The following SOX13 variants were observed in gnomAD, a reference collection of about 807,000 sequenced individuals.
SOX13 encodes the protein SRY-box transcription factor 13.
A neutral mutation model predicts 71.8 loss-of-function variants in SOX13; 28 were observed. That is an observed-to-expected ratio of 0.39 (90% confidence interval 0.29 to 0.53). SOX13 has a LOEUF of 0.53. SOX13 is among the 20% of genes least tolerant of loss of function. The pLI is 0.70. For missense variants in SOX13, 627 were observed against 810.3 expected (o/e 0.77, Z 2.75); for synonymous variants, 309 against 317.8 (o/e 0.97, Z 0.29).
At chr1:204,098,488 TTTGTTGTTG>T (rs573774494) in intron 1 of SOX13, among the ~76,000 whole-genome samples, 41 of 151,746 alleles carry the variant, frequency 2.7e-4, no homozygotes, top group Non-Finnish European at 2.4e-4. Flanking sequence ...AAAAAAAAAT[TTTGTTGTTG>T]TTGTTGTTGT....
chr1:204,089,438 A>G (rs1656096074), intron 1 of SOX13, among the ~76,000 whole-genome samples: 1 of 152,174 alleles, frequency 6.6e-6, no homozygotes, highest in African/African-American at 2.4e-5. Flanking sequence ...TCTCTGTGAA[A>G]TGAGGTCAGG....
intron 1 of SOX13, among the ~76,000 whole-genome samples, chr1:204,091,737 T>TGC (rs1398823531): frequency 4.0e-5 from 3 of 75,232 alleles, no homozygotes; most frequent in African/African-American, 3.5e-5. Flanking sequence ...CGTGTGCGTG[T>TGC]GTGTGTGTGT....
intron 1 of SOX13, among the ~76,000 whole-genome samples, chr1:204,089,490 G>A (rs1656096828): frequency 2.0e-5 from 3 of 152,208 alleles, no homozygotes; most frequent in African/African-American, 4.8e-5. Context: ...TTGAGGCAGC[G>A]GGGCCTGGGG....
chr1:204,126,474 G>T lies in SOX13; in HGVS notation c.*340G>T. 3.2e-6 allele frequency: 1 copy of T among 315,846 alleles called. No individual in the cohort carries two copies. Among genetic ancestry groups the T allele is most frequent in the Admixed American group, 4.5e-5 (1 of 22,406 alleles). The allele number at this position is 315,846 out of a possible 1,614,324, so 19.6% of individuals were successfully genotyped here. On this transcript the variant is annotated 3_prime_UTR_variant, in exon 14 of 14. Transcript: ENST00000367204. ...TGGCATCTACCGACCTGTCTCCCTG[G>T]GGTCACATGCTTTGTTTCCATTCTT...
rs569026688 is a variant in SOX13, at chr1:204,086,994, C to T, written c.-2+13283C>T. ...CTGGAGTGCAGTGGCGCGATCTTGG[C>T]GCACTGCAAGTTCTGCCTCCCGGGT... On this transcript the variant is annotated intron_variant, in intron 1 of 13. Coordinates refer to ENST00000367204, the MANE Select transcript of SOX13 (RefSeq NM_005686.3). Among the ~76,000 whole-genome samples, 3 of 151,836 alleles carry T rather than the reference C, an allele frequency of 2.0e-5. No homozygotes were observed. The East Asian group carries it at 5.9e-4, about 30-fold the overall frequency.
intron 1 of SOX13, among the ~76,000 whole-genome samples, chr1:204,096,570 C>T (rs1288837592): frequency 6.6e-6 from 1 of 152,020 alleles, no homozygotes; most frequent in East Asian, 1.9e-4. Context: ...GCACCCGCCA[C>T]CACACCTGGC....
intron 1 of SOX13, among the ~76,000 whole-genome samples, chr1:204,106,585 T>A (rs191693689): frequency 6.6e-6 from 1 of 150,924 alleles, no homozygotes; most frequent in East Asian, 1.9e-4. Flanking sequence ...AGAGGCGTGA[T>A]CTCAACTGAC....
chr1:204,117,326 G>A (rs1656715063), intron 6 of SOX13, 136 bp downstream of exon 6: 1 of 792,224 alleles, frequency 1.3e-6, no homozygotes, highest in East Asian at 2.7e-5. Context: ...ACCTGAGGAG[G>A]GTTATTTCTA....
chr1:204,074,947 G>A (rs1403162388), intron 1 of SOX13, among the ~76,000 whole-genome samples: 1 of 152,072 alleles, frequency 6.6e-6, no homozygotes, highest in African/African-American at 2.4e-5. Flanking sequence ...CGGCGCTGGC[G>A]CTGGCGCTGG....
At chr1:204,093,618 C>G (rs1167882171) in intron 1 of SOX13, among the ~76,000 whole-genome samples, 1 of 152,198 alleles carries the variant, frequency 6.6e-6, no homozygotes, top group Non-Finnish European at 1.5e-5. Context: ...CCCAGCCCAG[C>G]AGGCGGAGAG....
intron 1 of SOX13, among the ~76,000 whole-genome samples, chr1:204,107,163 C>T (rs1656486712): frequency 6.6e-6 from 1 of 152,198 alleles, no homozygotes; most frequent in African/African-American, 2.4e-5. Flanking sequence ...ATTATCTGAT[C>T]TTCATGGACA....
chr1:204,092,011 G>A (rs1390795658), intron 1 of SOX13, among the ~76,000 whole-genome samples: 3 of 149,642 alleles, frequency 2.0e-5, no homozygotes, highest in South Asian at 2.1e-4. Context: ...TCTTTCCTTC[G>A]CTTTCCTTCT....
At chr1:204,091,157 G>GAACTGCCTGGTAACTGAGAC (rs1453276695) in intron 1 of SOX13, among the ~76,000 whole-genome samples, 2 of 152,094 alleles carry the variant, frequency 1.3e-5, no homozygotes, top group African/African-American at 4.8e-5. Context: ...CTTCCGTATT[G>GAACTGCCTGGTAACTGAGAC]AACTGCCTGG....
intron 12 of SOX13, among the ~76,000 whole-genome samples, chr1:204,124,077 G>A (rs1266251636): frequency 6.6e-6 from 1 of 152,222 alleles, no homozygotes; most frequent in Admixed American, 6.5e-5. Context: ...AACCTAACCT[G>A]TTCCACTGTT....
chr1:204,096,320 G>A (rs1240734339), intron 1 of SOX13, among the ~76,000 whole-genome samples: 1 of 140,926 alleles, frequency 7.1e-6, no homozygotes, highest in Non-Finnish European at 1.5e-5. Flanking sequence ...GCTCACTGCG[G>A]CATCAACCTC....
chr1:204,090,583 G>A (rs748663584), intron 1 of SOX13, among the ~76,000 whole-genome samples: 2 of 151,626 alleles, frequency 1.3e-5, no homozygotes, highest in Non-Finnish European at 2.9e-5. Flanking sequence ...TAACTTTTTT[G>A]TATTTTCAGT....
rs563519374 is a variant in SOX13, at chr1:204,123,692, C to T, written c.1263C>T (p.Ser421=). 2 of 1,614,112 alleles carry T rather than the reference C, an allele frequency of 1.2e-6. No homozygotes were observed. The highest frequency in any genetic ancestry group is 1.3e-5 in the African/African-American group (1 of 75,056). Residue 421 remains serine (S), a synonymous_variant, in exon 12 of 14, where the codon AGC becomes AGT. Coordinates refer to ENST00000367204, the MANE Select transcript of SOX13 (RefSeq NM_005686.3). This position sits in a 1 kb window ranked among gnomAD's most constrained non-coding sequence, Gnocchi z 5.0. The part of the protein sequence containing the change: ...GSRHFPESRN[S]SHIKRPMNAF... ...GCCACTTCCCCGAGTCCCGAAACAG[C>T]AGCCACATCAAGAGGCCCATGAACG...
At chr1:204,099,992 G>A (rs1279387751) in intron 1 of SOX13, among the ~76,000 whole-genome samples, 1 of 152,128 alleles carries the variant, frequency 6.6e-6, no homozygotes, top group Admixed American at 6.5e-5. Flanking sequence ...AAATGAATTA[G>A]CTGGGCATGG....
intron 1 of SOX13, among the ~76,000 whole-genome samples, chr1:204,109,994 G>A (rs1043842498): frequency 1.3e-4 from 19 of 151,066 alleles, no homozygotes; most frequent in Non-Finnish European, 2.2e-4. Flanking sequence ...CACCACACCC[G>A]GCTAATTTTG....
Sources: gnomAD v4.1 joint callset for allele counts (sites outside exome capture counted in the v4.1 genomes callset) on GRCh38, gnomAD v4.1.1 for gene constraint, Gnocchi (gnomAD v3.1) non-coding constraint, MANE v1.5 for transcripts, NCBI Gene and HGNC (gene_info 2026-07-23, HGNC 2026-07-21) for gene names.